Variants in ATIC observed in about 807,000 individuals in gnomAD.
ATIC encodes the protein bifunctional purine biosynthesis protein ATIC.
ATIC carries 64 observed loss-of-function variants against 72.5 expected under a neutral mutation model. The ratio of observed to expected loss-of-function variants is 0.88; its 90% CI spans 0.72 to 1.09. The LOEUF (loss-of-function observed/expected upper bound fraction) is 1.09, where lower values mean the gene tolerates loss of function less well. Ranked by LOEUF, ATIC falls within the 50% of genes least tolerant of loss-of-function variation. ATIC has a pLI of 0.00. For synonymous variants in ATIC, 281 were observed against 267.1 expected, an observed-to-expected ratio of 1.05 and a Z score of -0.51; for missense variants, 787 against 732.4, an observed-to-expected ratio of 1.07 and a Z score of -0.86.
chr2:215,340,581 G>T (rs536404945), intron 12 of ATIC, among the ~76,000 whole-genome samples: 21 of 152,326 alleles, frequency 1.4e-4, no homozygotes, highest in Non-Finnish European at 2.8e-4. Flanking sequence ...TTTCTCTCCA[G>T]AGTTGACTTG....
intron 4 of ATIC, among the ~76,000 whole-genome samples, chr2:215,322,036 G>A (rs1370043376): frequency 1.3e-5 from 2 of 151,672 alleles, no homozygotes; most frequent in Non-Finnish European, 2.9e-5. Context: ...GAGTAGCTGG[G>A]GTTACAGGTG....
chr2:215,367,789 T>C, the ATIC span: 1 of 1,461,904 alleles, frequency 6.8e-7, no homozygotes, highest in South Asian at 1.1e-5. Context: ...CAAACATGCT[T>C]CCTTGGCACA....
In ATIC at chr2:215,332,416, C is replaced by G. The variant is rs143393493; in HGVS notation, c.723C>G (p.Cys241Trp). 6.2e-7 allele frequency: 1 copy of G among 1,613,996 alleles called. No homozygotes were observed. Among genetic ancestry groups the G allele is most frequent in the South Asian group, 1.1e-5 (1 of 91,088 alleles). Residue 241 changes from cysteine to tryptophan, a missense_variant, in exon 8 of 16, where the codon TGC becomes TGG. Physicochemically the swap from Cys to Trp is radical, Grantham distance 215. Transcript: ENST00000236959. Reference protein sequence around the residue: ...LNGAPGFINLCDALNAWQLVK... With the variant: ...LNGAPGFINLWDALNAWQLVK... ...GAGCCCCTGGATTTATAAACTTGTG[C>G]GATGCTTTGAACGCCTGGCAGCTGG...
rs2052820248 is a variant in ATIC, at chr2:215,326,027, T to G, written c.420T>G (p.Ala140=). The change falls in exon 6 of 16, where the codon GCT becomes GCG. Residue 140 remains alanine (A), a synonymous_variant. Coordinates refer to ENST00000236959, the MANE Select transcript of ATIC (RefSeq NM_004044.7). ...TGAGAGCTGCAGCCAAAAACCACGC[T>G]CGAGTGACAGTGGTGTGTGAACCAG... ...TLLRAAAKNH[A]RVTVVCEPED... The G allele has an allele frequency of 4.3e-6, 7 of 1,614,114 alleles. No individual in the cohort carries two copies. Among genetic ancestry groups the G allele is most frequent in the Non-Finnish European group, 5.9e-6 (7 of 1,180,020 alleles).
At chr2:215,365,451 T>C in the ATIC span, 4 of 1,577,718 alleles carry the variant, frequency 2.5e-6, no homozygotes, top group Non-Finnish European at 3.5e-6. Context: ...TACAGCCTGA[T>C]AATGAAAGTG....
the ATIC span, among the ~76,000 whole-genome samples, chr2:215,366,279 G>A: frequency 1.3e-5 from 2 of 152,008 alleles, no homozygotes; most frequent in Non-Finnish European, 2.9e-5. Flanking sequence ...TTAAAATTGT[G>A]GAAAACTAAA....
In ATIC at chr2:215,326,713, C is replaced by T. The variant is rs1163167488; in HGVS notation, c.532-109C>T. 8 of 1,353,640 alleles carry T rather than the reference C, an allele frequency of 5.9e-6. No individual in the cohort carries two copies. The African/African-American group carries it at 8.7e-5, about 15-fold the overall frequency. The allele number at this position is 1,353,640 out of a possible 1,614,324, so 83.9% of individuals were successfully genotyped here. On this transcript the variant is annotated intron_variant, in intron 6 of 15. Coordinates refer to ENST00000236959, the MANE Select transcript of ATIC (RefSeq NM_004044.7). ...GTGTCATCGTGTTGTGCAGCCACCA[C>T]ATAGCACTGAATAGTGAGGAGATGT...
chr2:215,354,328 T>C (rs2053151584), downstream of ATIC, among the ~76,000 whole-genome samples: 1 of 152,150 alleles, frequency 6.6e-6, no homozygotes, highest in Admixed American at 6.6e-5. Context: ...CCATGCCTTC[T>C]CAGGAAACTA....
At chr2:215,322,440 A>G (rs989839438) in intron 4 of ATIC, among the ~76,000 whole-genome samples, 2 of 145,292 alleles carry the variant, frequency 1.4e-5, no homozygotes, top group African/African-American at 5.1e-5. Context: ...AGCGATTCTC[A>G]TGCCTCAGCC....
At chr2:215,328,523 C>T (rs2052854691) in intron 7 of ATIC, among the ~76,000 whole-genome samples, 1 of 152,078 alleles carries the variant, frequency 6.6e-6, no homozygotes, top group South Asian at 2.1e-4. Flanking sequence ...TTGTCCCCTT[C>T]ACCCAGAATT....
chr2:215,313,802 T>C (rs1010552284), intron 2 of ATIC, among the ~76,000 whole-genome samples: 3 of 152,170 alleles, frequency 2.0e-5, no homozygotes, highest in Non-Finnish European at 4.4e-5. Context: ...TTTTCGGATG[T>C]CTTTTTGCGT....
chr2:215,333,439 G>A lies in ATIC; in HGVS notation c.904G>A (p.Ala302Thr). Residue 302 changes from alanine to threonine, a missense_variant, in exon 9 of 16, where the codon GCA becomes ACA. Physicochemically the swap from Ala to Thr is moderately conservative, Grantham distance 58 (BLOSUM62 0). Transcript: ENST00000236959. ...LYKTLTPISAAYARARGADRM... is the reference protein window; with the variant it reads ...LYKTLTPISATYARARGADRM... ...TAAAACCCTCACACCCATCTCAGCG[G>A]CATATGCAAGAGCAAGAGGTCAGAC... is the stretch of plus-strand genomic sequence containing the variant. 6.2e-7 allele frequency: 1 copy of A among 1,614,002 alleles called. No homozygotes were observed. The highest frequency in any genetic ancestry group is 8.5e-7 in the Non-Finnish European group (1 of 1,179,942).
chr2:215,334,375 T>C (rs1280679068), intron 9 of ATIC, among the ~76,000 whole-genome samples: 1 of 151,848 alleles, frequency 6.6e-6, no homozygotes. Flanking sequence ...TTTGTATTTT[T>C]AGTAGAGACA....
chr2:215,328,535 T>C (rs1335322066), intron 7 of ATIC, among the ~76,000 whole-genome samples: 1 of 151,682 alleles, frequency 6.6e-6, no homozygotes, highest in Non-Finnish European at 1.5e-5. Context: ...CCCAGAATTC[T>C]TCCCTCTGCC....
chr2:215,360,346 C>T, the ATIC span: 1 of 152,190 alleles, frequency 6.6e-6, no homozygotes, highest in Non-Finnish European at 1.5e-5. Context: ...GTTTATCAAG[C>T]CATGCCAAAA....
intron 12 of ATIC, 110 bp from the exon 13 acceptor site, chr2:215,344,669 G>A: frequency 9.6e-7 from 1 of 1,036,712 alleles, no homozygotes; most frequent in Non-Finnish European, 1.4e-6. Flanking sequence ...GGGAGACAGA[G>A]TGAGACTCTG....
At chr2:215,349,377 T>A in intron 15 of ATIC, 128 bp downstream of exon 15, 1 of 1,571,532 alleles carries the variant, frequency 6.4e-7, no homozygotes, top group Non-Finnish European at 8.7e-7. Context: ...GAGAACCATT[T>A]GACTTCTCCA....
intron 13 of ATIC, chr2:215,345,255 G>T: frequency 9.7e-6 from 3 of 309,726 alleles, no homozygotes; most frequent in East Asian, 8.3e-5. Context: ...CAGCCTGCAG[G>T]GTATTTTCAC....
Position 215,349,052 on chromosome 2 carries a change from C to T in ATIC, c.1504-42C>T, listed in dbSNP as rs372693063. 51 of 1,609,764 alleles carry T rather than the reference C, an allele frequency of 3.2e-5. No homozygotes were observed. In the African/African-American group the frequency reaches 3.6e-4, roughly 11 times the overall value. On this transcript the variant is annotated intron_variant, in intron 14 of 15. Transcript: ENST00000236959. ...GATTTGCACCACATAGAACTAAAGA[C>T]GATGTCAGACCAAGCTTCTTCCTTT...
Sources: gnomAD v4.1 joint callset for allele counts (sites outside exome capture counted in the v4.1 genomes callset) on GRCh38, gnomAD v4.1.1 for gene constraint, MANE v1.5 for transcripts, NCBI Gene and HGNC (gene_info 2026-07-23, HGNC 2026-07-21) for gene names.